The following GLIS3 variants were observed in gnomAD, a reference collection of about 807,000 sequenced individuals.
The protein encoded by GLIS3 is zinc finger protein GLIS3.
A neutral mutation model predicts 78.6 loss-of-function variants in GLIS3; 53 were observed. The observed-to-expected ratio is 0.67, with a 90% CI of 0.54 to 0.85. The LOEUF (loss-of-function observed/expected upper bound fraction) is 0.85. GLIS3 is among the 40% of genes least tolerant of loss of function. GLIS3 has a pLI of 0.00. For synonymous variants in GLIS3, 684 were observed against 509.9 expected, an observed-to-expected ratio of 1.34 and a Z score of -4.60; for missense variants, 1,703 against 1,231.1, an observed-to-expected ratio of 1.38 and a Z score of -5.74.
intron 2 of GLIS3, among the ~76,000 whole-genome samples, chr9:4,252,605 T>A (rs1824504786): frequency 6.6e-6 from 1 of 152,180 alleles, no homozygotes; most frequent in African/African-American, 2.4e-5. Context: ...TGAAGCCTAC[T>A]TCTGTTAATT....
chr9:3,975,935 C>A (rs1428898336), intron 4 of GLIS3, among the ~76,000 whole-genome samples: 1 of 152,088 alleles, frequency 6.6e-6, no homozygotes, highest in Non-Finnish European at 1.5e-5. Flanking sequence ...AAAAACTAAA[C>A]CCCAGGTAGG....
chr9:4,027,891 C>A (rs1483919330), intron 4 of GLIS3, among the ~76,000 whole-genome samples: 1 of 152,140 alleles, frequency 6.6e-6, no homozygotes. Context: ...GGCTCTTAAA[C>A]CCCCTCAGCT....
chr9:4,418,012 C>T, the GLIS3 span, among the ~76,000 whole-genome samples: 3 of 152,204 alleles, frequency 2.0e-5, no homozygotes, highest in African/African-American at 4.8e-5. Context: ...CTCCTGTCCA[C>T]TAAAACCCGC....
intron 4 of GLIS3, among the ~76,000 whole-genome samples, chr9:3,990,410 C>G (rs540565583): frequency 3.9e-5 from 6 of 152,206 alleles, no homozygotes; most frequent in African/African-American, 1.2e-4. Context: ...AAAGATCGAC[C>G]TGCACCTGGC....
intron 9 of GLIS3, chr9:3,855,683 A>G: frequency 1.1e-5 from 4 of 368,390 alleles, no homozygotes; most frequent in Non-Finnish European, 2.1e-5. Context: ...CTTGGGCACA[A>G]GAACTCCTGT....
chr9:3,969,303 A>G (rs1818196052), intron 4 of GLIS3, among the ~76,000 whole-genome samples: 1 of 152,240 alleles, frequency 6.6e-6, no homozygotes, highest in Admixed American at 6.5e-5. Flanking sequence ...GGTTGCTTAT[A>G]ATTCACATTA....
intron 2 of GLIS3, among the ~76,000 whole-genome samples, chr9:4,318,871 G>A (rs1197818104): frequency 2.6e-5 from 4 of 152,168 alleles, no homozygotes; most frequent in Non-Finnish European, 4.4e-5. Context: ...TGCAAAGGGG[G>A]GAAGTTCCTG....
At chr9:3,927,430 A>G (rs1233256973) in intron 6 of GLIS3, among the ~76,000 whole-genome samples, 1 of 152,206 alleles carries the variant, frequency 6.6e-6, no homozygotes, top group Non-Finnish European at 1.5e-5. Flanking sequence ...CTTGGGTAGT[A>G]CTTAACTTAG....
At chr9:4,447,605 G>C in the GLIS3 span, among the ~76,000 whole-genome samples, 2 of 152,146 alleles carry the variant, frequency 1.3e-5, no homozygotes, top group Non-Finnish European at 2.9e-5. Context: ...TTCTTGCTTA[G>C]AAGTGACCAC....
intron 2 of GLIS3, among the ~76,000 whole-genome samples, chr9:4,130,799 C>A (rs1474349228): frequency 1.3e-5 from 2 of 152,138 alleles, no homozygotes; most frequent in African/African-American, 2.4e-5. Context: ...TGCAGTACTG[C>A]GTAATGGAGC....
chr9:3,881,086 G>A (rs1349116449), intron 7 of GLIS3, among the ~76,000 whole-genome samples: 1 of 152,168 alleles, frequency 6.6e-6, no homozygotes, highest in Non-Finnish European at 1.5e-5. Context: ...TGCTCAGCTA[G>A]CTCAGGGAAC....
At chr9:3,950,756 C>T (rs916294604) in intron 4 of GLIS3, among the ~76,000 whole-genome samples, 1 of 152,238 alleles carries the variant, frequency 6.6e-6, no homozygotes, top group Non-Finnish European at 1.5e-5. Flanking sequence ...GATGCAGCAG[C>T]ATGTGTAGTA....
chr9:4,252,255 G>C (rs953570840), intron 2 of GLIS3, among the ~76,000 whole-genome samples: 1 of 152,074 alleles, frequency 6.6e-6, no homozygotes, highest in Admixed American at 6.5e-5. Context: ...TCAAATGTAG[G>C]TTTGGTCTTT....
chr9:4,146,261 T>G (rs1474634854), intron 2 of GLIS3, among the ~76,000 whole-genome samples: 1 of 152,200 alleles, frequency 6.6e-6, no homozygotes, highest in Middle Eastern at 3.2e-3. Context: ...CCTTACTAAC[T>G]TAATAAATAT....
intron 2 of GLIS3, among the ~76,000 whole-genome samples, chr9:4,182,535 G>A (rs543126290): frequency 6.1e-4 from 93 of 152,286 alleles, no homozygotes; most frequent in Non-Finnish European, 1.1e-3. Context: ...ATTAAAAACT[G>A]AGAAAAGATG....
intron 2 of GLIS3, among the ~76,000 whole-genome samples, chr9:4,339,799 A>AGGGGAGGCAGAGG (rs1817805825): frequency 3.7e-3 from 1 of 268 alleles, no homozygotes; most frequent in African/African-American, 0.019. Flanking sequence ...AGGGGGAGGG[A>AGGGGAGGCAGAGG]AGGGGGAGGG....
chr9:4,338,521 A>G (rs1269043041), intron 2 of GLIS3, among the ~76,000 whole-genome samples: 1 of 152,096 alleles, frequency 6.6e-6, no homozygotes, highest in Non-Finnish European at 1.5e-5. Flanking sequence ...GTTCATATCT[A>G]CTAGTCAATG....
chr9:4,268,590 G>A (rs529980383), intron 2 of GLIS3, among the ~76,000 whole-genome samples: 1 of 152,282 alleles, frequency 6.6e-6, no homozygotes, highest in South Asian at 2.1e-4. Context: ...GTAAGAGCAA[G>A]AATAAAAGGT....
the GLIS3 span, among the ~76,000 whole-genome samples, chr9:4,354,920 T>A: frequency 2.0e-5 from 3 of 151,922 alleles, no homozygotes; most frequent in South Asian, 2.1e-4. Context: ...ATCGAGACCA[T>A]CCTGGCTAAC....
Sources: gnomAD v4.1 joint callset for allele counts (sites outside exome capture counted in the v4.1 genomes callset) on GRCh38, gnomAD v4.1.1 for gene constraint, MANE v1.5 for transcripts, NCBI Gene and HGNC (gene_info 2026-07-23, HGNC 2026-07-21) for gene names.